Variants in TBX15 observed in about 807,000 individuals in gnomAD.
The protein encoded by TBX15 is T-box transcription factor 15.
A neutral mutation model predicts 53.9 loss-of-function variants in TBX15; 18 were observed. The observed-to-expected ratio is 0.33, with a 90% CI of 0.23 to 0.49. The LOEUF (loss-of-function observed/expected upper bound fraction) is 0.49. Among genes scored for constraint, TBX15 ranks in the 20% least tolerant of loss-of-function variants. The pLI, the probability that TBX15 is intolerant of heterozygous loss-of-function variation, is 0.98. For missense variants in TBX15, 692 were observed against 749.5 expected (o/e 0.92, Z 0.90); for synonymous variants, 295 against 278.0 (o/e 1.06, Z -0.61).
At chr1:118,960,692 G>A (rs1306917206) in intron 1 of TBX15, among the ~76,000 whole-genome samples, 2 of 152,282 alleles carry the variant, frequency 1.3e-5, no homozygotes, top group African/African-American at 4.8e-5. Flanking sequence ...TGAGTGAGCC[G>A]GCAGAGTCTC....
intron 7 of TBX15, among the ~76,000 whole-genome samples, chr1:118,887,703 C>T (rs776918936): frequency 6.7e-6 from 1 of 149,772 alleles, no homozygotes; most frequent in Non-Finnish European, 1.5e-5. Flanking sequence ...ATTCCAGAGA[C>T]ACTGGAATAC....
intron 1 of TBX15, among the ~76,000 whole-genome samples, chr1:118,957,470 A>G (rs1320833141): frequency 1.3e-5 from 2 of 152,174 alleles, no homozygotes; most frequent in South Asian, 2.1e-4. Context: ...TCAATGCAAT[A>G]TTTTATTTTT....
chr1:118,979,866 G>T (rs1438121048), intron 1 of TBX15, among the ~76,000 whole-genome samples: 2 of 152,174 alleles, frequency 1.3e-5, no homozygotes, highest in South Asian at 4.1e-4. Flanking sequence ...GGGCCAGCGC[G>T]GAGCCCCAGG....
At chr1:118,925,370 G>A (rs1655559755) in intron 3 of TBX15, among the ~76,000 whole-genome samples, 1 of 152,158 alleles carries the variant, frequency 6.6e-6, no homozygotes, top group South Asian at 2.1e-4. Context: ...GGACTTTGAG[G>A]CATTTCTATG....
intron 6 of TBX15, among the ~76,000 whole-genome samples, chr1:118,909,433 C>T (rs1198382693): frequency 6.6e-6 from 1 of 152,212 alleles, no homozygotes; most frequent in Admixed American, 6.5e-5. Flanking sequence ...AGGCAAGAAT[C>T]TGGGGGGTTC....
chr1:118,942,200 G>A (rs1007964637), intron 1 of TBX15, among the ~76,000 whole-genome samples: 2 of 152,160 alleles, frequency 1.3e-5, no homozygotes, highest in Non-Finnish European at 2.9e-5. Context: ...GGGGTTTCTA[G>A]GAAAAGGGAA....
At chr1:118,985,959 T>A (rs920142906) in intron 1 of TBX15, among the ~76,000 whole-genome samples, 1 of 152,224 alleles carries the variant, frequency 6.6e-6, no homozygotes, top group African/African-American at 2.4e-5. Flanking sequence ...TCTGAATCTC[T>A]AATTATGACC....
intron 1 of TBX15, among the ~76,000 whole-genome samples, chr1:118,936,593 C>A (rs1412267803): frequency 6.6e-6 from 1 of 152,056 alleles, no homozygotes; most frequent in Non-Finnish European, 1.5e-5. Context: ...TGTAATGGTT[C>A]TATTGATAAT....
At chr1:118,953,311 T>C (rs1339675947) in intron 1 of TBX15, among the ~76,000 whole-genome samples, 2 of 152,096 alleles carry the variant, frequency 1.3e-5, no homozygotes, top group Non-Finnish European at 2.9e-5. Context: ...ATACAAGACA[T>C]AGAATAAATA....
At chr1:118,933,594 T>C (rs1480496430) in intron 1 of TBX15, among the ~76,000 whole-genome samples, 2 of 152,180 alleles carry the variant, frequency 1.3e-5, no homozygotes, top group Non-Finnish European at 2.9e-5. Context: ...TTATCTAAGA[T>C]GACAGCTGTT....
At chr1:118,979,971 C>A (rs1485535977) in intron 1 of TBX15, among the ~76,000 whole-genome samples, 1 of 152,178 alleles carries the variant, frequency 6.6e-6, no homozygotes, top group Non-Finnish European at 1.5e-5. Context: ...CCTCCAAGGC[C>A]GGGCCGAGGG....
At chr1:118,969,519 C>T (rs1378875263) in intron 1 of TBX15, among the ~76,000 whole-genome samples, 3 of 152,146 alleles carry the variant, frequency 2.0e-5, no homozygotes, top group Admixed American at 6.5e-5. Context: ...AAATTGGGTC[C>T]TTCATGACCT....
At chr1:118,987,396 A>AG (rs1216867188) in intron 1 of TBX15, among the ~76,000 whole-genome samples, 195 bp downstream of exon 1, 1 of 152,264 alleles carries the variant, frequency 6.6e-6, no homozygotes, top group African/African-American at 2.4e-5. Context: ...CGAAAATGCA[A>AG]GGCTCAGTCC....
chr1:118,957,977 G>A (rs1477989811), intron 1 of TBX15, among the ~76,000 whole-genome samples: 1 of 152,120 alleles, frequency 6.6e-6, no homozygotes, highest in Non-Finnish European at 1.5e-5. Flanking sequence ...GTTTATTGCG[G>A]CACTATTCTC....
chr1:118,947,989 C>T (rs915422039), intron 1 of TBX15, among the ~76,000 whole-genome samples: 14 of 152,094 alleles, frequency 9.2e-5, no homozygotes, highest in Non-Finnish European at 1.9e-4. Flanking sequence ...CTGCAAAATG[C>T]GAGCAAGGTC....
At chr1:118,937,701 C>T (rs1416853818) in intron 1 of TBX15, among the ~76,000 whole-genome samples, 1 of 152,164 alleles carries the variant, frequency 6.6e-6, no homozygotes, top group Non-Finnish European at 1.5e-5. Context: ...TAGTTTGAAA[C>T]AATTAAAGGA....
intron 7 of TBX15, among the ~76,000 whole-genome samples, chr1:118,898,577 C>A (rs1172664416): frequency 6.6e-6 from 1 of 152,096 alleles, no homozygotes; most frequent in Non-Finnish European, 1.5e-5. Context: ...AGGCTTGCAG[C>A]AGCCCATTCC....
chr1:118,896,311 T>G (rs1013932206), intron 7 of TBX15, among the ~76,000 whole-genome samples: 2 of 152,186 alleles, frequency 1.3e-5, no homozygotes, highest in Non-Finnish European at 2.9e-5. Context: ...TTCAATGTGA[T>G]TTTAAAAATA....
intron 5 of TBX15, 138 bp from the exon 6 acceptor site, chr1:118,914,317 T>C: frequency 1.1e-6 from 1 of 882,630 alleles, no homozygotes; most frequent in Non-Finnish European, 1.8e-6. Context: ...AAGATTTAAT[T>C]TGAAGCTGGA....
Sources: gnomAD v4.1 joint callset for allele counts (sites outside exome capture counted in the v4.1 genomes callset) on GRCh38, gnomAD v4.1.1 for gene constraint, MANE v1.5 for transcripts, NCBI Gene and HGNC (gene_info 2026-07-23, HGNC 2026-07-21) for gene names.